Variants in ADCYAP1R1 observed in about 807,000 individuals in gnomAD.
ADCYAP1R1 encodes the protein ADCYAP receptor type I.
In ADCYAP1R1, 44 loss-of-function variants were observed where a neutral mutation model predicts 67.6. The ratio of observed to expected loss-of-function variants is 0.65; its 90% CI spans 0.51 to 0.84. The LOEUF (loss-of-function observed/expected upper bound fraction) is 0.84. Ranked by LOEUF, ADCYAP1R1 falls within the 40% of genes least tolerant of loss-of-function variation. ADCYAP1R1 has a pLI of 0.00. For missense variants in ADCYAP1R1, 477 were observed against 587.9 expected (o/e 0.81, Z 1.95); for synonymous variants, 222 against 219.6 (o/e 1.01, Z -0.10).
chr7:31,104,296 AT>A (rs1796551535), intron 14 of ADCYAP1R1, among the ~76,000 whole-genome samples: 1 of 152,226 alleles, frequency 6.6e-6, no homozygotes, highest in South Asian at 2.1e-4. Context: ...CAAGGAACTA[AT>A]TTGCAGCATT....
chr7:31,092,829 T>G, intron 13 of ADCYAP1R1, 94 bp downstream of exon 13: 1 of 812,646 alleles, frequency 1.2e-6, no homozygotes, highest in Non-Finnish European at 2.0e-6. Context: ...GCTTTGCTGA[T>G]AGGGTGACCT....
Position 31,080,818 on chromosome 7 carries a change from CG to C in ADCYAP1R1, c.286+191del, listed in dbSNP as rs1024095361. Among the ~76,000 whole-genome samples the C allele has an allele frequency of 5.1e-4, 78 of 152,190 alleles. 1 individual carries two copies. Among genetic ancestry groups the C allele is most frequent in the African/African-American group, 1.9e-3 (77 of 41,522 alleles). ...CCCCGACCTTGGCCATTCTGGAGGT[CG>C]GGGGGCACAGGAAGATGCACAACAC... On this transcript the variant is annotated intron_variant, in intron 5 of 15. Coordinates refer to ENST00000304166, the MANE Select transcript of ADCYAP1R1 (RefSeq NM_001118.5).
At chr7:31,077,724 G>A (rs1019101523) in intron 3 of ADCYAP1R1, among the ~76,000 whole-genome samples, 2 of 149,848 alleles carry the variant, frequency 1.3e-5, no homozygotes, top group African/African-American at 4.9e-5. Flanking sequence ...TAATGTGTGT[G>A]TGGTGTATGT....
At chr7:31,084,067 C>T (rs190843001) in intron 6 of ADCYAP1R1, 74 bp from the exon 7 acceptor site, 20 of 1,322,772 alleles carry the variant, frequency 1.5e-5, no homozygotes, top group East Asian at 1.4e-4. Flanking sequence ...CCACTGAATA[C>T]GTAATTTTTG....
chr7:31,053,960 C>G (rs1794134621), intron 1 of ADCYAP1R1, among the ~76,000 whole-genome samples: 1 of 152,170 alleles, frequency 6.6e-6, no homozygotes, highest in Non-Finnish European at 1.5e-5. Context: ...GCAGGGGCAG[C>G]AGGCAGCACC....
rs376849591 is a variant in ADCYAP1R1 at position 31,078,091 on chromosome 7, A to T, written c.258A>T (p.Pro86=). 3 of 1,610,312 alleles carry T rather than the reference A, an allele frequency of 1.9e-6. No homozygotes were observed. Among genetic ancestry groups the T allele is most frequent in the Non-Finnish European group, 2.5e-6 (3 of 1,178,184 alleles). The change falls in exon 4 of 16, where the codon CCA becomes CCT. Residue 86 remains proline (P), a synonymous_variant. Transcript: ENST00000304166. ...SCPELFRIFN[P]DQVWETETIG... is the part of the protein sequence containing the mutation. The stretch of plus-strand genomic sequence containing the variant: ...CTGAGCTCTTCCGAATCTTCAACCC[A>T]GACCAAGGTGGGTTTAGCCCAGTCT...
At chr7:31,093,113 T>C (rs1796035516) in intron 13 of ADCYAP1R1, among the ~76,000 whole-genome samples, 2 of 152,298 alleles carry the variant, frequency 1.3e-5, no homozygotes, top group Non-Finnish European at 1.5e-5. Flanking sequence ...TACCACTGAA[T>C]ACATTGTTGC....
In ADCYAP1R1 at chr7:31,086,314, G is replaced by A; in HGVS notation, c.670-70G>A. On this transcript the variant is annotated intron_variant, in intron 9 of 15. Coordinates refer to ENST00000304166, the MANE Select transcript of ADCYAP1R1 (RefSeq NM_001118.5). The surrounding 1 kb of genome is among the most constrained non-coding windows in gnomAD (Gnocchi z 5.0). ...AACCTGAGCATGCCAGAGCCAACGG[G>A]CCCTAGGATTCTCCCTTGCTCCTGT... is the stretch of plus-strand genomic sequence containing the variant. 1 of 1,527,340 alleles carries A rather than the reference G, an allele frequency of 6.5e-7. No individual in the cohort carries two copies. The highest frequency in any genetic ancestry group is 1.2e-5 in the South Asian group (1 of 80,690). The allele number at this position is 1,527,340 out of a possible 1,614,324, so 94.6% of individuals were successfully genotyped here. A position where few individuals can be genotyped will look rare whatever the true frequency, so the allele number is the denominator to read the frequency against.
chr7:31,069,233 C>T (rs1794872230), intron 3 of ADCYAP1R1, among the ~76,000 whole-genome samples: 1 of 152,216 alleles, frequency 6.6e-6, no homozygotes. Context: ...GGGGAGCTCA[C>T]TACTAGCTGA....
chr7:31,067,129 G>T (rs1021089143), intron 3 of ADCYAP1R1, among the ~76,000 whole-genome samples: 10 of 152,188 alleles, frequency 6.6e-5, no homozygotes, highest in African/African-American at 2.4e-4. Flanking sequence ...GGAGGTCAGG[G>T]TGTGAAGGAT....
chr7:31,067,125 C>T (rs1794769040), intron 3 of ADCYAP1R1, among the ~76,000 whole-genome samples: 1 of 152,290 alleles, frequency 6.6e-6, no homozygotes, highest in African/African-American at 2.4e-5. Context: ...CATAGGAGGT[C>T]AGGGTGTGAA....
rs151009768 is a variant in ADCYAP1R1, at chr7:31,094,341, A to G, written c.1046+1606A>G. Among the ~76,000 whole-genome samples, 555 of 152,148 alleles carry G rather than the reference A, an allele frequency of 3.6e-3. 7 individuals carry two copies. Among genetic ancestry groups the G allele is most frequent in the Middle Eastern group, 0.027 (8 of 294 alleles). On this transcript the variant is annotated intron_variant, in intron 13 of 15. Transcript: ENST00000304166. The stretch of plus-strand genomic sequence containing the variant: ...TGCCTTCATCTCAAGGATTCACAAA[A>G]TAGGGCCCCGCTGCTCGCCTCATCT...
At position 31,109,002 on chromosome 7, in the gene ADCYAP1R1, C is replaced by T. The variant is rs1437969586; in HGVS notation, c.*2318C>T. 3 of 152,176 alleles carry T rather than the reference C, an allele frequency of 2.0e-5. No individual in the cohort carries two copies. The highest frequency in any genetic ancestry group is 7.2e-5 in the African/African-American group (3 of 41,432). 9.4% of individuals were successfully genotyped at this position (152,176 alleles called of 1,614,324 possible). The stretch of plus-strand genomic sequence containing the variant: ...CCAGCTCCAGATCCAAGGAGCAGCC[C>T]CCTGGGGATGGACCCCATTCATTCA... On this transcript the variant is annotated 3_prime_UTR_variant, in exon 16 of 16. Coordinates refer to ENST00000304166, the MANE Select transcript of ADCYAP1R1 (RefSeq NM_001118.5).
intron 12 of ADCYAP1R1, 91 bp from the exon 13 acceptor site, chr7:31,092,553 C>T (rs1159126385): frequency 4.3e-6 from 4 of 940,308 alleles, no homozygotes; most frequent in Admixed American, 2.0e-5. Context: ...TAGATGGGAT[C>T]TTGACTAGGT....
intron 14 of ADCYAP1R1, among the ~76,000 whole-genome samples, chr7:31,103,922 A>G (rs1259499895): frequency 6.6e-6 from 1 of 152,254 alleles, no homozygotes; most frequent in Admixed American, 6.5e-5. Context: ...ATGAGCAGGC[A>G]GGAGCAGCAG....
intron 1 of ADCYAP1R1, among the ~76,000 whole-genome samples, chr7:31,060,701 TGAGA>T (rs757068891): frequency 3.3e-5 from 5 of 151,792 alleles, no homozygotes; most frequent in East Asian, 1.9e-4. Flanking sequence ...TTTGTGTGTG[TGAGA>T]GAGAGAGAGA....
rs1329184652 is a variant in ADCYAP1R1, at chr7:31,068,835, C to T, written c.157+3899C>T. Among the ~76,000 whole-genome samples the T allele has an allele frequency of 5.9e-5, 9 of 152,314 alleles. No homozygotes were observed. In the East Asian group the frequency reaches 1.7e-3, roughly 29 times the overall value. ...AAGTTCAGGGATAGCATTGACCTTG[C>T]TGTCACTCATCAGGGGAGGCCTTAC... On this transcript the variant is annotated intron_variant, in intron 3 of 15. Coordinates refer to ENST00000304166, the MANE Select transcript of ADCYAP1R1 (RefSeq NM_001118.5).
intron 1 of ADCYAP1R1, among the ~76,000 whole-genome samples, chr7:31,061,883 C>T (rs564467715): frequency 6.6e-6 from 1 of 151,724 alleles, no homozygotes; most frequent in Admixed American, 6.6e-5. Flanking sequence ...GTAGGATTTG[C>T]TTGGGCCCCC....
chr7:31,060,813 G>A (rs1794470683), intron 1 of ADCYAP1R1, among the ~76,000 whole-genome samples: 2 of 152,156 alleles, frequency 1.3e-5, no homozygotes, highest in African/African-American at 4.8e-5. Context: ...CACCAGAGCT[G>A]TTCAAACTCC....
Sources: allele counts gnomAD v4.1 joint callset (sites outside exome capture counted in the v4.1 genomes callset), GRCh38; gene constraint gnomAD v4.1.1; non-coding constraint Gnocchi (gnomAD v3.1); transcripts MANE v1.5; gene names NCBI Gene and HGNC (gene_info 2026-07-23, HGNC 2026-07-21).